The following CRLF2 variants were observed in gnomAD, a reference collection of about 807,000 sequenced individuals.
CRLF2 encodes cytokine receptor-like factor 2.
In CRLF2, 41 loss-of-function variants were observed where a neutral mutation model predicts 38.7. The ratio of observed to expected loss-of-function variants is 1.06; its 90% confidence interval spans 0.83 to 1.37. The LOEUF (loss-of-function observed/expected upper bound fraction) is 1.37. Ranked by LOEUF, CRLF2 falls within the 40% of genes most tolerant of loss-of-function variation. The probability of loss-of-function intolerance (pLI) is 0.00; values close to 1 mark genes in which losing one functional copy is unlikely to be tolerated. For synonymous variants in CRLF2, 140 were observed against 128.8 expected (o/e 1.09, Z -0.59); for missense variants, 377 against 322.2 (o/e 1.17, Z -1.30).
intron 3 of CRLF2, among the ~76,000 whole-genome samples, chrX:1,203,756 A>G (rs2086647561): frequency 6.6e-6 from 1 of 152,158 alleles, no homozygotes; most frequent in African/African-American, 2.4e-5. Context: ...ATGGGCTTCA[A>G]AACTGGGAGA....
intron 4 of CRLF2, among the ~76,000 whole-genome samples, chrX:1,202,111 A>G (rs1168677490): frequency 3.3e-5 from 5 of 152,118 alleles, no homozygotes; most frequent in Non-Finnish European, 5.9e-5. Flanking sequence ...AGATAGAGGT[A>G]GAGATAAAAT....
intron 4 of CRLF2, 119 bp downstream of exon 4, chrX:1,202,283 G>A (rs1293251558): frequency 1.7e-6 from 2 of 1,184,678 alleles, no homozygotes; most frequent in Non-Finnish European, 2.4e-6. Flanking sequence ...ATACAGCAGA[G>A]TGGAATTCAG....
chrX:1,210,358 C>G (rs1445649324), intron 1 of CRLF2, among the ~76,000 whole-genome samples: 2 of 152,022 alleles, frequency 1.3e-5, no homozygotes, highest in South Asian at 2.1e-4. Context: ...CTGTCGCCCA[C>G]GCTGGAGTGC....
At chrX:1,209,505 G>C (rs777904207) in intron 1 of CRLF2, among the ~76,000 whole-genome samples, 96 of 150,764 alleles carry the variant, frequency 6.4e-4, no homozygotes, top group African/African-American at 2.3e-3. Flanking sequence ...ATAATTTTTT[G>C]TACTTTTAGT....
At position 1,190,668 on chromosome X, in the gene CRLF2, T is replaced by C; in HGVS notation, c.*229A>G. 2.5e-6 allele frequency: 1 copy of C among 396,828 alleles called. No individual in the cohort carries two copies. The highest frequency in any genetic ancestry group is 4.4e-6 in the Non-Finnish European group (1 of 225,486). The allele number at this position is 396,828 out of a possible 1,614,324, so 24.6% of individuals were successfully genotyped here. A position where few individuals can be genotyped will look rare whatever the true frequency, so the allele number is the denominator to read the frequency against. ...ACTGGGAGTAAATCTCCTGGAGCAA[T>C]TGGCTCCCATCTGCCATCAAGCCTT... On this transcript the variant is annotated 3_prime_UTR_variant, in exon 8 of 8. Transcript: ENST00000400841.
intron 6 of CRLF2, among the ~76,000 whole-genome samples, chrX:1,196,546 C>T (rs1479005389): frequency 6.6e-6 from 1 of 151,644 alleles, no homozygotes; most frequent in Non-Finnish European, 1.5e-5. Flanking sequence ...TGGTCTCGAA[C>T]TCGTGACCTC....
intron 2 of CRLF2, among the ~76,000 whole-genome samples, chrX:1,208,603 G>A (rs770352872): frequency 1.3e-5 from 2 of 152,238 alleles, no homozygotes; most frequent in South Asian, 2.1e-4. Flanking sequence ...TTTTGACAGT[G>A]AGTCAGCCAT....
At chrX:1,207,065 C>G (rs2086703611) in intron 2 of CRLF2, among the ~76,000 whole-genome samples, 1 of 151,004 alleles carries the variant, frequency 6.6e-6, no homozygotes, top group African/African-American at 2.4e-5. Flanking sequence ...CCTGCCTCTG[C>G]CTCCTGAGTA....
intron 3 of CRLF2, among the ~76,000 whole-genome samples, chrX:1,203,560 C>T (rs2086644550): frequency 6.7e-6 from 1 of 148,856 alleles, no homozygotes; most frequent in African/African-American, 2.5e-5. Context: ...ATGACAGGTG[C>T]CCTTGTAAGA....
At chrX:1,196,478 G>T (rs1475286261) in intron 6 of CRLF2, among the ~76,000 whole-genome samples, 1 of 151,778 alleles carries the variant, frequency 6.6e-6, no homozygotes, top group Non-Finnish European at 1.5e-5. Flanking sequence ...GAACCACCGT[G>T]CCTGACCCTA....
chrX:1,212,473 A>C (rs1461002822), intron 1 of CRLF2, 83 bp downstream of exon 1: 2 of 900,656 alleles, frequency 2.2e-6, no homozygotes, highest in Admixed American at 4.3e-5. Context: ...CTCATTGTTT[A>C]AGTTTTACAA....
At chrX:1,198,384 C>G (rs1603395763) in intron 5 of CRLF2, among the ~76,000 whole-genome samples, 178 bp downstream of exon 5, 2 of 133,026 alleles carry the variant, frequency 1.5e-5, no homozygotes, top group Non-Finnish European at 3.3e-5. Flanking sequence ...AGATAGGACA[C>G]CCTCCCTCCC....
intron 7 of CRLF2, among the ~76,000 whole-genome samples, chrX:1,192,215 A>AAAAC (rs1556416143): frequency 2.2e-5 from 3 of 138,236 alleles, no homozygotes; most frequent in African/African-American, 7.7e-5. Flanking sequence ...AAAAAAAAAA[A>AAAAC]AAAAACAAAA....
At chrX:1,203,430 C>T (rs1209959144) in intron 3 of CRLF2, among the ~76,000 whole-genome samples, 7 of 151,884 alleles carry the variant, frequency 4.6e-5, no homozygotes, top group African/African-American at 1.7e-4. Flanking sequence ...AACATCTGTC[C>T]ACATCCTAAA....
At chrX:1,205,119 G>T (rs1255112023) in intron 3 of CRLF2, among the ~76,000 whole-genome samples, 1 of 152,078 alleles carries the variant, frequency 6.6e-6, no homozygotes, top group Non-Finnish European at 1.5e-5. Flanking sequence ...GAGCCACCGC[G>T]CCCCGCCTTT....
chrX:1,191,633 G>A (rs1450025446), intron 7 of CRLF2, among the ~76,000 whole-genome samples: 1 of 151,396 alleles, frequency 6.6e-6, no homozygotes, highest in Non-Finnish European at 1.5e-5. Context: ...CCCGGTTCAA[G>A]CGATTCTCCT....
At chrX:1,209,371 A>T (rs1348123460) in intron 1 of CRLF2, among the ~76,000 whole-genome samples, 2 of 140,730 alleles carry the variant, frequency 1.4e-5, no homozygotes, top group African/African-American at 5.3e-5. Context: ...TCACTCTGTC[A>T]CCCAGGCTGG....
intron 4 of CRLF2, among the ~76,000 whole-genome samples, chrX:1,199,976 T>C (rs1274221597): frequency 2.0e-5 from 3 of 151,484 alleles, no homozygotes; most frequent in African/African-American, 7.3e-5. Flanking sequence ...ATATTAGGTG[T>C]GTATATACGT....
In CRLF2 at chrX:1,208,925, G is replaced by T; in HGVS notation, c.80-17C>A. ...CTCCTTCTGCTAGACACAGAGAGAC[G>T]CATGAAGTTCACGGTGAGGCAACTC... On this transcript the variant is annotated splice_polypyrimidine_tract_variant and intron_variant, in intron 1 of 7. Coordinates refer to ENST00000400841, the MANE Select transcript of CRLF2 (RefSeq NM_022148.4). 7.2e-7 allele frequency: 1 copy of T among 1,386,368 alleles called. No individual in the cohort carries two copies. The highest frequency in any genetic ancestry group is 1.0e-6 in the Non-Finnish European group (1 of 979,388). The allele number at this position is 1,386,368 out of a possible 1,614,324, so 85.9% of individuals were successfully genotyped here.
Sources: gnomAD v4.1 joint callset for allele counts (sites outside exome capture counted in the v4.1 genomes callset) on GRCh38, gnomAD v4.1.1 for gene constraint, MANE v1.5 for transcripts, NCBI Gene and HGNC (gene_info 2026-07-23, HGNC 2026-07-21) for gene names.